Variants in IGFBP3 observed in about 807,000 individuals in gnomAD.
IGFBP3 encodes insulin-like growth factor-binding protein 3.
Under a neutral mutation model 28.6 loss-of-function variants are expected in IGFBP3, and 9 were observed. The ratio of observed to expected loss-of-function variants is 0.31; its 90% CI spans 0.19 to 0.55. The LOEUF is 0.55. Ranked by LOEUF, IGFBP3 falls within the 20% of genes least tolerant of loss-of-function variation. The pLI is 0.93. For synonymous variants in IGFBP3, 185 were observed against 188.2 expected (o/e 0.98, Z 0.14); for missense variants, 382 against 428.9 (o/e 0.89, Z 0.97).
rs1204727832 is a variant in IGFBP3 at position 45,912,902 on chromosome 7, T to C, written c.*948A>G. On this transcript the variant is annotated 3_prime_UTR_variant, in exon 5 of 5. Transcript: ENST00000613132. The stretch of plus-strand genomic sequence containing the variant: ...TCTGATATTACTATTCTTTTTTACA[T>C]TGTGCTAAGGAGGACAAAAGATGAG... 6.6e-6 allele frequency: 1 copy of C among 152,420 alleles called. No individual in the cohort carries two copies. Among genetic ancestry groups the C allele is most frequent in the Admixed American group, 6.5e-5 (1 of 15,288 alleles). 9.4% of individuals were successfully genotyped at this position (152,420 alleles called of 1,614,324 possible).
chr7:45,920,784 G>T lies in IGFBP3; in HGVS notation c.357C>A (p.Ala119=), dbSNP rs751188194. The T allele has an allele frequency of 5.6e-6, 8 of 1,419,860 alleles. No individual in the cohort carries two copies. Among genetic ancestry groups the T allele is most frequent in the Non-Finnish European group, 6.4e-6 (7 of 1,096,328 alleles). 88.0% of individuals were successfully genotyped at this position (1,419,860 alleles called of 1,614,324 possible). Residue 119 remains alanine (A), a synonymous_variant, in exon 1 of 5, where the codon GCC becomes GCA. Transcript: ENST00000613132. ...GCAGGTAGGCGCGCAGGCGGCTGAC[G>T]GCACTAGCGTTGACGCAGAGCCCGC... is the stretch of plus-strand genomic sequence containing the variant. ...DGRGLCVNAS[A]VSRLRAYLLP... is the part of the protein sequence containing the mutation.
rs1469933298 is a variant in IGFBP3, at chr7:45,912,258, C to A, written c.*1592G>T. ...CTACAGCTAAAATATTTTCCCCTTT[C>A]AGGATTTTATTATAATAAAATAATT... On this transcript the variant is annotated 3_prime_UTR_variant, in exon 5 of 5. Coordinates refer to ENST00000613132, the MANE Select transcript of IGFBP3 (RefSeq NM_000598.5). 1 of 151,350 alleles carries A rather than the reference C, an allele frequency of 6.6e-6. No homozygotes were observed. Among genetic ancestry groups the A allele is most frequent in the Non-Finnish European group, 1.5e-5 (1 of 67,874 alleles). The allele number at this position is 151,350 out of a possible 1,614,324, so 9.4% of individuals were successfully genotyped here. A position where few individuals can be genotyped will look rare whatever the true frequency, so the allele number is the denominator to read the frequency against.
rs768470815 is a variant in IGFBP3, at chr7:45,917,366, C to A, written c.477G>T (p.Arg159=). 48 of 1,613,866 alleles carry A rather than the reference C, an allele frequency of 3.0e-5. No individual in the cohort carries two copies. The highest frequency in any genetic ancestry group is 1.0e-4 in the Admixed American group (6 of 59,982). Reference sequence around the variant, plus strand: ...GGGGGTGGAACTTGGGATCAGACACCCGGTGCGTGCTGGAGACGGACGGGC... The same window carrying A: ...GGGGGTGGAACTTGGGATCAGACACACGGTGCGTGCTGGAGACGGACGGGC... The part of the protein sequence containing the change: ...VESPSVSSTH[R]VSDPKFHPLH... The change falls in exon 2 of 5, where the codon CGG becomes CGT. Residue 159 remains arginine (R), a synonymous_variant. Transcript: ENST00000613132.
Position 45,916,531 on chromosome 7 carries a change from C to G in IGFBP3, c.750+17G>C. 1 of 1,607,080 alleles carries G rather than the reference C, an allele frequency of 6.2e-7. No individual in the cohort carries two copies. Among genetic ancestry groups the G allele is most frequent in the Non-Finnish European group, 8.5e-7 (1 of 1,174,480 alleles). On this transcript the variant is annotated intron_variant, in intron 3 of 4. Transcript: ENST00000613132. ...GTCAACAGAAGAGGAAGAAAACACA[C>G]TGAGGACCTCACTCACCTGCTTTTT...
intron 1 of IGFBP3, among the ~76,000 whole-genome samples, chr7:45,918,219 A>G (rs866812604): frequency 3.3e-5 from 5 of 151,934 alleles, no homozygotes; most frequent in Admixed American, 2.0e-4. Context: ...ACATGGATGC[A>G]GACAATGCCA....
chr7:45,915,119 G>T lies in IGFBP3; in HGVS notation c.751-174C>A, dbSNP rs572291309. 21 of 647,962 alleles carry T rather than the reference G, an allele frequency of 3.2e-5. No individual in the cohort carries two copies. The South Asian group carries it at 3.9e-4, about 12-fold the overall frequency. 40.1% of individuals were successfully genotyped at this position (647,962 alleles called of 1,614,324 possible). A position where few individuals can be genotyped will look rare whatever the true frequency, so the allele number is the denominator to read the frequency against. On this transcript the variant is annotated intron_variant, in intron 3 of 4. Coordinates refer to ENST00000613132, the MANE Select transcript of IGFBP3 (RefSeq NM_000598.5). Reference sequence around the variant, plus strand: ...GCGTGCCTAGGCCCGCTGAGTGTGCGCCTGTGCATGCGTGTGGGTGTAACT... The same window carrying T: ...GCGTGCCTAGGCCCGCTGAGTGTGCTCCTGTGCATGCGTGTGGGTGTAACT...
chr7:45,921,100 G>A lies in IGFBP3; in HGVS notation c.41C>T (p.Thr14Ile), dbSNP rs917742638. The A allele has an allele frequency of 1.9e-5, 28 of 1,486,882 alleles. No individual in the cohort carries two copies. Among genetic ancestry groups the A allele is most frequent in the Non-Finnish European group, 2.3e-5 (26 of 1,125,392 alleles). 92.1% of individuals were successfully genotyped at this position (1,486,882 alleles called of 1,614,324 possible). ...ARPTLWAAAL[T>I]LLVLLRGPPV... The stretch of plus-strand genomic sequence containing the variant: ...CGGCCCGCGGAGCAGCACCAGCAGA[G>A]TCAGCGCAGCGGCCCAGAGCGTGGG... Residue 14 changes from threonine (T) to isoleucine (I), a missense_variant, in exon 1 of 5, where the codon ACT becomes ATT. Transcript: ENST00000613132.
At chr7:45,914,782 G>C in intron 4 of IGFBP3, 23 bp downstream of exon 4, 1 of 1,610,466 alleles carries the variant, frequency 6.2e-7, no homozygotes, top group Non-Finnish European at 8.5e-7. Context: ...TGGAGCCCCA[G>C]GCTGCCCCTC....
rs1784687864 is a variant in IGFBP3, at chr7:45,921,256, C to A, written c.-116G>T. 11 of 1,255,214 alleles carry A rather than the reference C, an allele frequency of 8.8e-6. No homozygotes were observed. Among genetic ancestry groups the A allele is most frequent in the Non-Finnish European group, 1.2e-5 (11 of 907,612 alleles). The allele number at this position is 1,255,214 out of a possible 1,614,324, so 77.8% of individuals were successfully genotyped here. On this transcript the variant is annotated 5_prime_UTR_variant, in exon 1 of 5. Transcript: ENST00000613132. ...GAAGCGGCTGATCCTCAGCGCCCAG[C>A]CGCAGTGCTCGCATCTGGGCGGCCC...
intron 1 of IGFBP3, among the ~76,000 whole-genome samples, chr7:45,918,192 C>T (rs141254523): frequency 1.3e-3 from 191 of 151,050 alleles, no homozygotes; most frequent in Middle Eastern, 3.4e-3. Context: ...CTTTTCACCC[C>T]GGGTGAACAC....
chr7:45,920,581 C>T, intron 1 of IGFBP3, 157 bp downstream of exon 1: 2 of 679,238 alleles, frequency 2.9e-6, no homozygotes, highest in South Asian at 4.8e-5. Flanking sequence ...CTCCGGCGAC[C>T]GCCTTCACCT....
intron 3 of IGFBP3, 92 bp from the exon 4 acceptor site, chr7:45,915,037 C>A: frequency 7.0e-7 from 1 of 1,438,706 alleles, no homozygotes; most frequent in Non-Finnish European, 9.5e-7. Flanking sequence ...GCCAGCGTGA[C>A]TCTGCTATGC....
At chr7:45,915,581 T>C (rs1214751972) in intron 3 of IGFBP3, among the ~76,000 whole-genome samples, 1 of 152,204 alleles carries the variant, frequency 6.6e-6, no homozygotes, top group East Asian at 1.9e-4. Context: ...TAGAAGCATA[T>C]TTATTACAGC....
At chr7:45,916,968 G>T in intron 2 of IGFBP3, 1 of 574,584 alleles carries the variant, frequency 1.7e-6, no homozygotes, top group Non-Finnish European at 3.1e-6. Context: ...TATCTGCAGA[G>T]GTCTTTATGA....
chr7:45,915,275 C>A, intron 3 of IGFBP3: 1 of 249,700 alleles, frequency 4.0e-6, no homozygotes, highest in Non-Finnish European at 7.8e-6. Context: ...CCGCTGCCTG[C>A]GAATGTCACA....
chr7:45,916,508 CA>C, intron 3 of IGFBP3, 39 bp downstream of exon 3: 1 of 1,591,514 alleles, frequency 6.3e-7, no homozygotes, highest in South Asian at 1.1e-5. Flanking sequence ...TCCTCTGTGT[CA>C]ACAGAAGAGG....
At chr7:45,919,321 T>C (rs1236248213) in intron 1 of IGFBP3, among the ~76,000 whole-genome samples, 2 of 152,220 alleles carry the variant, frequency 1.3e-5, no homozygotes, top group Non-Finnish European at 2.9e-5. Flanking sequence ...TGTGTATCAG[T>C]ATTTCTAAGA....
rs1784573989 is a variant in IGFBP3 at position 45,913,778 on chromosome 7, G to T, written c.*72C>A. 6.6e-6 allele frequency: 1 copy of T among 152,540 alleles called. No individual in the cohort carries two copies. Among genetic ancestry groups the T allele is most frequent in the Non-Finnish European group, 1.5e-5 (1 of 68,032 alleles). 9.4% of individuals were successfully genotyped at this position (152,540 alleles called of 1,614,324 possible). A position where few individuals can be genotyped will look rare whatever the true frequency, so the allele number is the denominator to read the frequency against. ...TAAATCGAGGCTGTAGCCAGCTGCT[G>T]GTCATGTCCTTGGCAGTCTTTTGTG... On this transcript the variant is annotated 3_prime_UTR_variant, in exon 5 of 5. Transcript: ENST00000613132.
intron 3 of IGFBP3, chr7:45,915,295 T>C (rs1784595351): frequency 1.3e-5 from 3 of 227,912 alleles, no homozygotes; most frequent in Non-Finnish European, 2.6e-5. Flanking sequence ...AGCTATGACT[T>C]TGGAGCCCAC....
Sources: gnomAD v4.1 joint callset for allele counts (sites outside exome capture counted in the v4.1 genomes callset) on GRCh38, gnomAD v4.1.1 for gene constraint, MANE v1.5 for transcripts, NCBI Gene and HGNC (gene_info 2026-07-23, HGNC 2026-07-21) for gene names.